Variants in B4GALT4 observed in about 807,000 individuals in gnomAD.
The protein encoded by B4GALT4 is N-acetyllactosamine synthase.
Under a neutral mutation model 37.3 loss-of-function variants are expected in B4GALT4, and 27 were observed. The observed-to-expected ratio is 0.72, with a 90% CI of 0.53 to 1.00. The LOEUF is 1.00. B4GALT4 is among the 50% of genes least tolerant of loss of function. The pLI, the probability that B4GALT4 is intolerant of heterozygous loss-of-function variation, is 0.00. For missense variants in B4GALT4, 372 were observed against 413.1 expected (o/e 0.90, Z 0.86); for synonymous variants, 148 against 154.1 (o/e 0.96, Z 0.29).
intron 3 of B4GALT4, among the ~76,000 whole-genome samples, chr3:119,227,915 A>G (rs747761085): frequency 5.3e-5 from 8 of 152,162 alleles, no homozygotes; most frequent in Non-Finnish European, 1.0e-4. Flanking sequence ...TCACGTGTCT[A>G]ATGGCACCTT....
Position 119,216,318 on chromosome 3 carries a change from G to A in B4GALT4, c.824C>T (p.Ser275Phe), listed in dbSNP as rs1325577449. Residue 275 changes from serine to phenylalanine, a missense_variant, in exon 7 of 8, where the codon TCC becomes TTC. Transcript: ENST00000393765. Reference sequence around the variant, plus strand: ...TTTACCCACTTCAGGCAGGGGCCGGGAAATTTTCATTCTTTGGAGCTCAAC... The same window carrying A: ...TTTACCCACTTCAGGCAGGGGCCGGAAAATTTTCATTCTTTGGAGCTCAAC... The part of the protein sequence containing the change: ...LRVELQRMKI[S>F]RPLPEVGKYT... 1.2e-6 allele frequency: 2 copies of A among 1,613,696 alleles called. No homozygotes were observed. The highest frequency in any genetic ancestry group is 2.2e-5 in the South Asian group (2 of 91,022).
chr3:119,224,026 G>C (rs752324018), intron 5 of B4GALT4, 32 bp downstream of exon 5: 2 of 1,568,598 alleles, frequency 1.3e-6, no homozygotes, highest in East Asian at 4.6e-5. Flanking sequence ...TGAGCTTCTC[G>C]ACCTAAGCCA....
In B4GALT4 at chr3:119,212,377, G is replaced by A. The variant is rs1293671088; in HGVS notation, c.*172C>T. The stretch of plus-strand genomic sequence containing the variant: ...CTAAGAAAGCTGTCTTGTTACAACT[G>A]TTTTATACTCTACATCACCAGGAGC... On this transcript the variant is annotated 3_prime_UTR_variant, in exon 8 of 8. Transcript: ENST00000393765. 4.5e-6 allele frequency: 3 copies of A among 661,896 alleles called. No individual in the cohort carries two copies. The highest frequency in any genetic ancestry group is 3.6e-5 in the African/African-American group (2 of 55,014). The allele number at this position is 661,896 out of a possible 1,614,324, so 41.0% of individuals were successfully genotyped here. A position where few individuals can be genotyped will look rare whatever the true frequency, so the allele number is the denominator to read the frequency against.
At chr3:119,238,814 G>A (rs1044593214) in intron 1 of B4GALT4, among the ~76,000 whole-genome samples, 8 of 152,104 alleles carry the variant, frequency 5.3e-5, no homozygotes, top group African/African-American at 1.2e-4. Context: ...TAACATCACA[G>A]ACAGGAATTA....
chr3:119,216,195 C>T (rs750222627), intron 7 of B4GALT4, 45 bp downstream of exon 7: 1 of 1,448,980 alleles, frequency 6.9e-7, no homozygotes, highest in South Asian at 1.3e-5. Context: ...ATTGACAGAA[C>T]AGACTAGGGA....
At chr3:119,224,639 A>G (rs1318556626) in intron 4 of B4GALT4, among the ~76,000 whole-genome samples, 1 of 152,238 alleles carries the variant, frequency 6.6e-6, no homozygotes, top group Non-Finnish European at 1.5e-5. Context: ...TAAACTGCAC[A>G]CTCAATAATA....
rs1303311480 is a variant in B4GALT4 at position 119,230,188 on chromosome 3, T to C, written c.-89A>G. On this transcript the variant is annotated 5_prime_UTR_variant, in exon 3 of 8. Coordinates refer to ENST00000393765, the MANE Select transcript of B4GALT4 (RefSeq NM_003778.4). ...GAGCTTTTCCAATCTGATTGCGAAC[T>C]TGATGACAACTGAAGATACAATGCC... 1.3e-6 allele frequency: 2 copies of C among 1,512,590 alleles called. No individual in the cohort carries two copies. Among genetic ancestry groups the C allele is most frequent in the Non-Finnish European group, 1.8e-6 (2 of 1,112,538 alleles). The allele number at this position is 1,512,590 out of a possible 1,614,324, so 93.7% of individuals were successfully genotyped here.
At chr3:119,226,010 C>G (rs752918977) in intron 4 of B4GALT4, among the ~76,000 whole-genome samples, 2 of 152,186 alleles carry the variant, frequency 1.3e-5, no homozygotes, top group African/African-American at 4.8e-5. Context: ...CCTGTTCTAA[C>G]AGTAGTGATG....
intron 2 of B4GALT4, among the ~76,000 whole-genome samples, chr3:119,233,928 G>T (rs996114929): frequency 6.6e-6 from 1 of 152,114 alleles, no homozygotes; most frequent in South Asian, 2.1e-4. Context: ...AAGTGTGAAG[G>T]GTCTGTCATC....
intron 6 of B4GALT4, 111 bp from the exon 7 acceptor site, chr3:119,216,455 C>CACAT: frequency 2.5e-6 from 1 of 403,118 alleles, no homozygotes; most frequent in South Asian, 5.1e-5. Context: ...TACACACACA[C>CACAT]ACACACACAC....
chr3:119,224,909 T>C (rs2078561552), intron 4 of B4GALT4, among the ~76,000 whole-genome samples: 1 of 152,230 alleles, frequency 6.6e-6, no homozygotes, highest in South Asian at 2.1e-4. Context: ...ACCTTTCTTA[T>C]ATACTAGTCA....
Position 119,226,836 on chromosome 3 carries a change from C to A in B4GALT4, c.459G>T (p.Leu153=), listed in dbSNP as rs764470419. ...GGTGGATGACGTAGATGCCATAATC[C>A]AGCTGCTGCCTCTGCAGGAAGGGAT... ...HLHPFLQRQQ[L]DYGIYVIHQA... The change falls in exon 4 of 8, where the codon CTG becomes CTT. Residue 153 remains leucine (L), a synonymous_variant. Coordinates refer to ENST00000393765, the MANE Select transcript of B4GALT4 (RefSeq NM_003778.4). The A allele has an allele frequency of 3.8e-5, 61 of 1,613,824 alleles. No homozygotes were observed. The highest frequency in any genetic ancestry group is 5.1e-5 in the Non-Finnish European group (60 of 1,180,016).
chr3:119,232,742 CA>C (rs1299759774), intron 2 of B4GALT4, among the ~76,000 whole-genome samples: 1 of 152,134 alleles, frequency 6.6e-6, no homozygotes, highest in Non-Finnish European at 1.5e-5. Flanking sequence ...CTAGGATTGG[CA>C]ATTTTTAAAA....
chr3:119,228,905 T>C (rs1370642125), intron 3 of B4GALT4, among the ~76,000 whole-genome samples: 1 of 129,644 alleles, frequency 7.7e-6, no homozygotes, highest in Non-Finnish European at 1.7e-5. Context: ...CCTGCATGTA[T>C]GTGTGTGCGC....
Position 119,226,960 on chromosome 3 carries a change from C to A in B4GALT4, c.335G>T (p.Arg112Leu), listed in dbSNP as rs752478533. Residue 112 changes from arginine to leucine, a missense_variant, in exon 4 of 8, where the codon CGG becomes CTG. Arg to Leu is a moderately radical substitution (Grantham distance 102). Coordinates refer to ENST00000393765, the MANE Select transcript of B4GALT4 (RefSeq NM_003778.4). ...AGCTTTACATTCCTGAGGGCGATAC[C>A]GGCCTCTGGACACTTTGGGATTTTC... ...QAENPKVSRG[R>L]YRPQECKALQ... is the part of the protein sequence containing the mutation. 1.2e-6 allele frequency: 2 copies of A among 1,614,158 alleles called. No individual in the cohort carries two copies. The highest frequency in any genetic ancestry group is 1.1e-5 in the South Asian group (1 of 91,078).
chr3:119,222,130 C>T, intron 5 of B4GALT4, among the ~76,000 whole-genome samples: 1 of 152,102 alleles, frequency 6.6e-6, no homozygotes, highest in East Asian at 1.9e-4. Context: ...ATGGTGCAAC[C>T]AGGTGTTTAA....
intron 3 of B4GALT4, 106 bp from the exon 4 acceptor site, chr3:119,227,147 G>A (rs1193274718): frequency 1.1e-6 from 1 of 911,906 alleles, no homozygotes; most frequent in Non-Finnish European, 1.7e-6. Flanking sequence ...CTCACAGTGA[G>A]TACTACAAAT....
In B4GALT4 at chr3:119,216,243, T is replaced by G; in HGVS notation, c.899A>C (p.Glu300Ala). 1.2e-6 allele frequency: 2 copies of G among 1,610,282 alleles called. No individual in the cohort carries two copies. The highest frequency in any genetic ancestry group is 8.5e-7 in the Non-Finnish European group (1 of 1,177,894). Residue 300 changes from glutamate to alanine, a missense_variant, in exon 7 of 8, where the codon GAA (glutamate) becomes GCA (alanine). Coordinates refer to ENST00000393765, the MANE Select transcript of B4GALT4 (RefSeq NM_003778.4). The stretch of plus-strand genomic sequence containing the variant: ...GGCAGGTGAAGCCAGGACTTACCGT[T>G]CTGCGTTCACCTCATTGCCTTTGTC... ...TRDKGNEVNA[E>A]RMKLLHQVSR...
At chr3:119,227,904 C>T (rs9812715) in intron 3 of B4GALT4, among the ~76,000 whole-genome samples, 16,498 of 152,198 alleles carry the variant, frequency 0.11, 1,023 homozygotes, top group East Asian at 0.24. Context: ...TTAGACCAGG[C>T]TCACGTGTCT....
Sources: allele counts gnomAD v4.1 joint callset (sites outside exome capture counted in the v4.1 genomes callset), GRCh38; gene constraint gnomAD v4.1.1; transcripts MANE v1.5; gene names NCBI Gene and HGNC (gene_info 2026-07-23, HGNC 2026-07-21).